The following BBS9 variants were observed in gnomAD, a reference collection of about 807,000 sequenced individuals.
The protein encoded by BBS9 is protein PTHB1.
In BBS9, 89 loss-of-function variants were observed where a neutral mutation model predicts 117.7. That is an observed-to-expected ratio of 0.76 (90% CI 0.64 to 0.90). The LOEUF is 0.90. Among genes scored for constraint, BBS9 ranks in the 40% least tolerant of loss-of-function variants. The probability of loss-of-function intolerance (pLI) is 0.00; values close to 1 mark genes in which losing one functional copy is unlikely to be tolerated. For missense variants in BBS9, 982 were observed against 1,042.2 expected, an observed-to-expected ratio of 0.94 and a Z score of 0.80; for synonymous variants, 379 against 370.9, an observed-to-expected ratio of 1.02 and a Z score of -0.25.
chr7:33,309,549 G>C (rs1482818016), intron 9 of BBS9, among the ~76,000 whole-genome samples: 1 of 152,182 alleles, frequency 6.6e-6, no homozygotes, highest in Non-Finnish European at 1.5e-5. Context: ...CTTTGGAACA[G>C]AGGTGATGGG....
At chr7:33,504,226 A>G (rs565881815) in intron 19 of BBS9, among the ~76,000 whole-genome samples, 54 of 152,262 alleles carry the variant, frequency 3.5e-4, no homozygotes, top group African/African-American at 1.3e-3. Flanking sequence ...CTAAATGTGA[A>G]TTGTCATTGC....
At chr7:33,194,100 G>C (rs1784579821) in intron 5 of BBS9, among the ~76,000 whole-genome samples, 1 of 151,892 alleles carries the variant, frequency 6.6e-6, no homozygotes, top group Non-Finnish European at 1.5e-5. Context: ...TCTTTTTGCA[G>C]AAAAAATACC....
chr7:33,604,888 T>C lies in BBS9; in HGVS notation c.2545T>C (p.Ser849Pro). 6.2e-7 allele frequency: 1 copy of C among 1,612,978 alleles called. No homozygotes were observed. Among genetic ancestry groups the C allele is most frequent in the Non-Finnish European group, 8.5e-7 (1 of 1,179,140 alleles). ...AGGTGGTTGTACTACAATCCCAGAG[T>C]CAGACCTAGAAGAAAGATCAGTAGA... ...MPGGCTTIPESDLEERSVEQD... is the reference protein window; with the variant it reads ...MPGGCTTIPEPDLEERSVEQD... The change falls in exon 22 of 23, where the codon TCA (serine) becomes CCA (proline). Residue 849 changes from serine (S) to proline (P), a missense_variant. Ser to Pro is a moderately conservative substitution (Grantham distance 74). Transcript: ENST00000242067.
intron 5 of BBS9, among the ~76,000 whole-genome samples, chr7:33,236,882 A>C (rs926395133): frequency 6.6e-6 from 1 of 152,120 alleles, no homozygotes; most frequent in Non-Finnish European, 1.5e-5. Context: ...TTACTCCTCC[A>C]GTCTAATTGA....
At chr7:33,621,754 C>A (rs2700701) in intron 21 of BBS9, among the ~76,000 whole-genome samples, 54,623 of 152,002 alleles carry the variant, frequency 0.36, 12,894 homozygotes, top group African/African-American at 0.67. Context: ...TTCACCATAG[C>A]CAAGGTATGG....
chr7:33,146,882 T>C (rs991340937), intron 2 of BBS9, among the ~76,000 whole-genome samples: 2 of 152,182 alleles, frequency 1.3e-5, no homozygotes, highest in Non-Finnish European at 2.9e-5. Flanking sequence ...GTACTGATTC[T>C]GTCATATTGT....
chr7:33,235,985 T>C (rs892106030), intron 5 of BBS9, among the ~76,000 whole-genome samples: 9 of 152,116 alleles, frequency 5.9e-5, no homozygotes, highest in African/African-American at 2.2e-4. Context: ...ATGAAACTAC[T>C]TTAAGAAGTA....
At chr7:33,544,613 A>C (rs1176874632) in intron 21 of BBS9, among the ~76,000 whole-genome samples, 1 of 151,544 alleles carries the variant, frequency 6.6e-6, no homozygotes, top group Non-Finnish European at 1.5e-5. Flanking sequence ...AGTTCAATGG[A>C]CTCCATAAAG....
At chr7:33,465,680 A>G (rs892079640) in intron 19 of BBS9, among the ~76,000 whole-genome samples, 1 of 152,070 alleles carries the variant, frequency 6.6e-6, no homozygotes, top group Non-Finnish European at 1.5e-5. Context: ...TCTCATCTGT[A>G]AAGTGTGGTG....
chr7:33,262,326 C>T (rs1236232079), intron 6 of BBS9, among the ~76,000 whole-genome samples: 1 of 151,982 alleles, frequency 6.6e-6, no homozygotes, highest in Non-Finnish European at 1.5e-5. Flanking sequence ...GAGTTTTGGA[C>T]CTTTGTAACA....
chr7:33,500,783 C>T (rs1295535775), intron 19 of BBS9, among the ~76,000 whole-genome samples: 5 of 152,160 alleles, frequency 3.3e-5, no homozygotes, highest in African/African-American at 1.2e-4. Flanking sequence ...TTCCTGTAAC[C>T]AATTTTAGAG....
chr7:33,246,296 GTTT>G (rs746352875), intron 5 of BBS9, among the ~76,000 whole-genome samples: 1 of 139,110 alleles, frequency 7.2e-6, no homozygotes, highest in African/African-American at 2.6e-5. Context: ...GGCTTTAGTT[GTTT>G]TTTTTTTTTT....
chr7:33,519,071 G>A (rs754678877), intron 20 of BBS9, among the ~76,000 whole-genome samples: 1 of 151,852 alleles, frequency 6.6e-6, no homozygotes, highest in Non-Finnish European at 1.5e-5. Context: ...AAAATCCAAA[G>A]TAATTAAAGA....
At chr7:33,133,130 A>T (rs1789884478) in intron 1 of BBS9, among the ~76,000 whole-genome samples, 1 of 151,134 alleles carries the variant, frequency 6.6e-6, no homozygotes, top group Non-Finnish European at 1.5e-5. Flanking sequence ...GTTCTGCTTT[A>T]AAAAAAAATG....
chr7:33,136,262 C>G (rs9886317), intron 1 of BBS9, among the ~76,000 whole-genome samples: 1 of 151,978 alleles, frequency 6.6e-6, no homozygotes. Flanking sequence ...TTCCCAAATT[C>G]CTTAGGATTT....
chr7:33,500,478 A>G (rs751927250), intron 19 of BBS9, among the ~76,000 whole-genome samples: 3 of 152,208 alleles, frequency 2.0e-5, no homozygotes, highest in Non-Finnish European at 4.4e-5. Flanking sequence ...GATGCCTGTA[A>G]GCTTCTGTTT....
intron 4 of BBS9, among the ~76,000 whole-genome samples, chr7:33,176,129 G>A (rs934112741): frequency 2.0e-5 from 3 of 151,986 alleles, no homozygotes; most frequent in African/African-American, 4.8e-5. Flanking sequence ...TTTAAATGAC[G>A]ACCTGTTTTT....
intron 2 of BBS9, among the ~76,000 whole-genome samples, chr7:33,149,657 G>A (rs1196349807): frequency 6.7e-6 from 1 of 150,264 alleles, no homozygotes; most frequent in Non-Finnish European, 1.5e-5. Flanking sequence ...GGAGTAGAGA[G>A]CAAATAAGAC....
chr7:33,518,245 CTTTT>C (rs747829401), intron 20 of BBS9, among the ~76,000 whole-genome samples: 12,904 of 92,528 alleles, frequency 0.14, 285 homozygotes, highest in East Asian at 0.3. Flanking sequence ...TGTATATATT[CTTTT>C]TTTTTTTTTT....
Sources: gnomAD v4.1 joint callset for allele counts (sites outside exome capture counted in the v4.1 genomes callset) on GRCh38, gnomAD v4.1.1 for gene constraint, MANE v1.5 for transcripts, NCBI Gene and HGNC (gene_info 2026-07-23, HGNC 2026-07-21) for gene names.